GBP5: variants seen among roughly 807,000 people sequenced by gnomAD.
The protein encoded by GBP5 is guanylate binding protein 5.
In GBP5, 48 loss-of-function variants were observed where a neutral mutation model predicts 58.2. That is an observed-to-expected ratio of 0.83 (90% confidence interval 0.65 to 1.05). GBP5 has a LOEUF of 1.05. Among genes scored for constraint, GBP5 ranks in the 50% least tolerant of loss-of-function variants. GBP5 has a pLI of 0.00. For synonymous variants in GBP5, 248 were observed against 251.8 expected (o/e 0.98, Z 0.14); for missense variants, 714 against 686.8 (o/e 1.04, Z -0.44).
At chr1:89,262,075 G>A in intron 11 of GBP5, 145 bp downstream of exon 11, 1 of 726,956 alleles carries the variant, frequency 1.4e-6, no homozygotes, top group African/African-American at 1.8e-5. Context: ...TACTTACTAA[G>A]AGGTGGAGCT....
chr1:89,266,913 G>A (rs772435591), intron 6 of GBP5, 44 bp downstream of exon 6: 3 of 1,379,886 alleles, frequency 2.2e-6, no homozygotes, highest in Admixed American at 2.4e-5. Context: ...TAATTTCTTA[G>A]ATTACTTTTT....
chr1:89,267,620 A>C, intron 4 of GBP5, 94 bp from the exon 5 acceptor site: 1 of 730,068 alleles, frequency 1.4e-6, no homozygotes, highest in Non-Finnish European at 2.4e-6. Flanking sequence ...TTAACAAGAC[A>C]AAAGAAAAAG....
In GBP5 at chr1:89,256,506, T is replaced by C. The variant is rs1356416982; in HGVS notation, c.*4198A>G. Among the ~76,000 whole-genome samples the C allele has an allele frequency of 1.3e-5, 2 of 152,212 alleles. No homozygotes were observed. The highest frequency in any genetic ancestry group is 3.8e-4 in the East Asian group (2 of 5,204). Reference sequence around the variant, plus strand: ...ATTGTACATTTTATGTTTTTTGTACTCTTCAGTATGTGTCACATTTAATAA... The same window carrying C: ...ATTGTACATTTTATGTTTTTTGTACCCTTCAGTATGTGTCACATTTAATAA... On this transcript the variant is annotated 3_prime_UTR_variant, in exon 12 of 12. Coordinates refer to ENST00000370459, the MANE Select transcript of GBP5 (RefSeq NM_052942.5).
Position 89,259,052 on chromosome 1 carries a change from A to T in GBP5, c.*1652T>A. On this transcript the variant is annotated 3_prime_UTR_variant, in exon 12 of 12. Transcript: ENST00000370459. ...AAAAATCAGTCATTTTTCATATATA[A>T]TTGCAAAGAATTAAGATCATTTAAC... is the stretch of plus-strand genomic sequence containing the variant. 1 of 152,202 alleles carries T rather than the reference A, an allele frequency of 6.6e-6. No homozygotes were observed. The highest frequency in any genetic ancestry group is 1.5e-5 in the Non-Finnish European group (1 of 68,030). 9.4% of individuals were successfully genotyped at this position (152,202 alleles called of 1,614,324 possible).
intron 5 of GBP5, 47 bp from the exon 6 acceptor site, chr1:89,267,200 A>G: frequency 6.9e-7 from 1 of 1,451,622 alleles, no homozygotes; most frequent in Non-Finnish European, 9.4e-7. Context: ...CCACATCTAA[A>G]CCCATACTTA....
chr1:89,261,716 G>C (rs2100716077), intron 11 of GBP5, among the ~76,000 whole-genome samples: 1 of 152,262 alleles, frequency 6.6e-6, no homozygotes, highest in South Asian at 2.1e-4. Context: ...AGGACCGGAT[G>C]AAACAAACTG....
At chr1:89,265,373 A>T (rs930095806) in intron 7 of GBP5, among the ~76,000 whole-genome samples, 4 of 150,872 alleles carry the variant, frequency 2.7e-5, no homozygotes, top group Admixed American at 6.6e-5. Context: ...CTTTTTATTT[A>T]TATATATATT....
In GBP5 at chr1:89,263,795, T is replaced by A; in HGVS notation, c.1303A>T (p.Ile435Phe). Reference protein sequence around the residue: ...YSKPGGHNLFIQKTEELKAKY... With the variant: ...YSKPGGHNLFFQKTEELKAKY... Reference sequence around the variant, plus strand: ...GCCTTCAGTTCTTCTGTTTTCTGAATGAAGAGATTATGGCCTCCTGGCTTA... The same window carrying A: ...GCCTTCAGTTCTTCTGTTTTCTGAAAGAAGAGATTATGGCCTCCTGGCTTA... The change falls in exon 9 of 12, where the codon ATT becomes TTT. Residue 435 changes from isoleucine to phenylalanine, a missense_variant. Physicochemically the swap from Ile to Phe is conservative, Grantham distance 21 (BLOSUM62 0). Coordinates refer to ENST00000370459, the MANE Select transcript of GBP5 (RefSeq NM_052942.5). 1 of 1,613,916 alleles carries A rather than the reference T, an allele frequency of 6.2e-7. No individual in the cohort carries two copies. Among genetic ancestry groups the A allele is most frequent in the Non-Finnish European group, 8.5e-7 (1 of 1,179,954 alleles).
chr1:89,264,623 C>T (rs2100720183), intron 8 of GBP5, 63 bp downstream of exon 8: 2 of 1,418,664 alleles, frequency 1.4e-6, no homozygotes, highest in East Asian at 2.3e-5. Context: ...CCTATTTTAT[C>T]ATTCAAAGCA....
At chr1:89,267,379 G>T in intron 5 of GBP5, 38 bp downstream of exon 5, 1 of 1,409,272 alleles carries the variant, frequency 7.1e-7, no homozygotes, top group Non-Finnish European at 1.0e-6. Context: ...GAGGAGTTCT[G>T]TCGGACTTTG....
rs1222544873 is a variant in GBP5, at chr1:89,263,784, T to G, written c.1314A>C (p.Thr438=). The change falls in exon 9 of 12, where the codon ACA becomes ACC. Residue 438 remains threonine (T), a synonymous_variant. Coordinates refer to ENST00000370459, the MANE Select transcript of GBP5 (RefSeq NM_052942.5). ...GATAGTACTTTGCCTTCAGTTCTTC[T>G]GTTTTCTGAATGAAGAGATTATGGC... The part of the protein sequence containing the change: ...PGGHNLFIQK[T]EELKAKYYRE... The G allele has an allele frequency of 6.2e-6, 10 of 1,613,172 alleles. No homozygotes were observed. The highest frequency in any genetic ancestry group is 2.5e-6 in the Non-Finnish European group (3 of 1,179,486).
At chr1:89,266,925 A>G (rs1314897574) in intron 6 of GBP5, 32 bp downstream of exon 6, 1 of 1,495,864 alleles carries the variant, frequency 6.7e-7, no homozygotes, top group Non-Finnish European at 9.0e-7. Context: ...TTACTTTTTT[A>G]AAAATCTTTC....
At chr1:89,269,682 C>A in intron 2 of GBP5, 108 bp from the exon 3 acceptor site, 2 of 634,094 alleles carry the variant, frequency 3.2e-6, no homozygotes, top group Non-Finnish European at 5.4e-6. Flanking sequence ...CCAGCACTGC[C>A]TAAGTTTCTG....
chr1:89,261,016 C>G (rs1269045649), intron 11 of GBP5, among the ~76,000 whole-genome samples, 199 bp from the exon 12 acceptor site: 3 of 152,172 alleles, frequency 2.0e-5, no homozygotes, highest in Non-Finnish European at 4.4e-5. Context: ...CATTTCTCAT[C>G]CCTGGAATAT....
rs1019331194 is a variant in GBP5 at position 89,257,420 on chromosome 1, A to G, written c.*3284T>C. Among the ~76,000 whole-genome samples, 7 of 152,188 alleles carry G rather than the reference A, an allele frequency of 4.6e-5. No individual in the cohort carries two copies. Among genetic ancestry groups the G allele is most frequent in the African/African-American group, 1.4e-4 (6 of 41,442 alleles). ...GGCATTATGGGAGCCATAATTCAAGATGAGATTTGAGTGGACACAGCCAAA... is the reference window on the plus strand; with the variant it reads ...GGCATTATGGGAGCCATAATTCAAGGTGAGATTTGAGTGGACACAGCCAAA... On this transcript the variant is annotated 3_prime_UTR_variant, in exon 12 of 12. Coordinates refer to ENST00000370459, the MANE Select transcript of GBP5 (RefSeq NM_052942.5).
In GBP5 at chr1:89,259,769, T is replaced by A. The variant is rs1438250949; in HGVS notation, c.*935A>T. 1.3e-5 allele frequency: 2 copies of A among 152,018 alleles called. No individual in the cohort carries two copies. The highest frequency in any genetic ancestry group is 4.8e-5 in the African/African-American group (2 of 41,338). 9.4% of individuals were successfully genotyped at this position (152,018 alleles called of 1,614,324 possible). ...CCCTGAGCCAGGCGGGGGCAAAAAC[T>A]GACAAACTGCAGGATGTGGCCATAC... On this transcript the variant is annotated 3_prime_UTR_variant, in exon 12 of 12. Transcript: ENST00000370459.
chr1:89,263,946 A>T lies in GBP5; in HGVS notation c.1152T>A (p.Thr384=), dbSNP rs781378253. The change falls in exon 9 of 12, where the codon ACT becomes ACA. Residue 384 remains threonine (T), a splice_region_variant and synonymous_variant. Coordinates refer to ENST00000370459, the MANE Select transcript of GBP5 (RefSeq NM_052942.5). ...VDQSFQKELE[T]LLDAKQNDIC... ...TGTCATTCTGTTTTGCATCTAGTAG[A>T]GTCTTCAAAGAGACAAAAACCCATG... 6.3e-6 allele frequency: 10 copies of T among 1,587,786 alleles called. 2 individuals carry two copies. The South Asian group carries it at 1.1e-4, about 18-fold the overall frequency.
chr1:89,259,782 G>A lies in GBP5; in HGVS notation c.*922C>T, dbSNP rs1442837353. On this transcript the variant is annotated 3_prime_UTR_variant, in exon 12 of 12. Coordinates refer to ENST00000370459, the MANE Select transcript of GBP5 (RefSeq NM_052942.5). ...GGGGGCAAAAACTGACAAACTGCAGGATGTGGCCATACTGGGAGGAAAAGT... is the reference window on the plus strand; with the variant it reads ...GGGGGCAAAAACTGACAAACTGCAGAATGTGGCCATACTGGGAGGAAAAGT... The A allele has an allele frequency of 6.6e-6, 1 of 152,302 alleles. No individual in the cohort carries two copies. Among genetic ancestry groups the A allele is most frequent in the Non-Finnish European group, 1.5e-5 (1 of 68,248 alleles). 9.4% of individuals were successfully genotyped at this position (152,302 alleles called of 1,614,324 possible).
At chr1:89,263,506 G>T (rs1178671362) in intron 9 of GBP5, 1 of 427,662 alleles carries the variant, frequency 2.3e-6, no homozygotes, top group South Asian at 4.2e-5. Flanking sequence ...GGTGATTATG[G>T]TGATGGTTCA....
Sources: gnomAD v4.1 joint callset for allele counts (sites outside exome capture counted in the v4.1 genomes callset) on GRCh38, gnomAD v4.1.1 for gene constraint, MANE v1.5 for transcripts, NCBI Gene and HGNC (gene_info 2026-07-23, HGNC 2026-07-21) for gene names.